Variants in SMCO1 observed in about 807,000 individuals in gnomAD.
SMCO1 encodes the protein single-pass membrane protein with coiled-coil domains 1, also known as single-pass membrane and coiled-coil domain-containing protein 1.
Under a neutral mutation model 7.5 loss-of-function variants are expected in SMCO1, and 9 were observed. That is an observed-to-expected ratio of 1.20 (90% CI 0.72 to 2.09). The LOEUF (loss-of-function observed/expected upper bound fraction) is 2.09, where lower values mean the gene tolerates loss of function less well. SMCO1 is among the 30% of genes most tolerant of loss of function. The probability of loss-of-function intolerance (pLI) is 0.00; values close to 1 mark genes in which losing one functional copy is unlikely to be tolerated. For synonymous variants in SMCO1, 90 were observed against 93.8 expected, an observed-to-expected ratio of 0.96 and a Z score of 0.23; for missense variants, 219 against 253.1, an observed-to-expected ratio of 0.87 and a Z score of 0.91.
chr3:196,519,044 C>T (rs1365507698), upstream of SMCO1, among the ~76,000 whole-genome samples: 2 of 152,224 alleles, frequency 1.3e-5, no homozygotes, highest in Non-Finnish European at 2.9e-5. Flanking sequence ...ACTCAGCCTC[C>T]AATAGCCTGC....
rs961137462 is a variant in SMCO1, at chr3:196,512,549, G to A, written c.50+2611C>T. 7.0e-5 allele frequency among the ~76,000 whole-genome samples: 8 copies of A among 113,786 alleles called. No individual in the cohort carries two copies. The East Asian group carries it at 2.1e-3, about 29-fold the overall frequency. 74.6% of individuals were successfully genotyped at this position (113,786 alleles called of 152,430 possible). A position where few individuals can be genotyped will look rare whatever the true frequency, so the allele number is the denominator to read the frequency against. On this transcript the variant is annotated intron_variant, in intron 1 of 2. Coordinates refer to ENST00000397537, the MANE Select transcript of SMCO1 (RefSeq NM_001077657.3). ...TTTTTTTGAGATGGAGTCTTGCTCTGTCGCCAGGCTGGAGTACAGTGGCAC... is the reference window on the plus strand; with the variant it reads ...TTTTTTTGAGATGGAGTCTTGCTCTATCGCCAGGCTGGAGTACAGTGGCAC...
intron 2 of SMCO1, among the ~76,000 whole-genome samples, chr3:196,508,571 T>C (rs1248245068): frequency 1.3e-5 from 2 of 151,402 alleles, no homozygotes; most frequent in African/African-American, 2.4e-5. Context: ...CAAGTGATCC[T>C]GTCGCCTCGG....
At chr3:196,515,495 A>G, upstream of SMCO1, 1 of 399,410 alleles carries the variant, frequency 2.5e-6, no homozygotes, top group Non-Finnish European at 4.6e-6. Context: ...TACAGCAACA[A>G]CCATGTATAA....
At chr3:196,515,521 A>G (rs1473125473), upstream of SMCO1, among the ~76,000 whole-genome samples, 2 of 152,234 alleles carry the variant, frequency 1.3e-5, no homozygotes, top group African/African-American at 2.4e-5. Flanking sequence ...GACTGTGTAC[A>G]TTATGGTAAA....
rs1002245409 is a variant in SMCO1, at chr3:196,507,612, ATT to A, written c.*273_*274del. On this transcript the variant is annotated 3_prime_UTR_variant, in exon 3 of 3. Transcript: ENST00000397537. ...GTTATATATATATTTATATATATAT[ATT>A]TGTCACCTTTTTTCCACTTAGCAAT... 16 of 163,928 alleles carry A rather than the reference ATT, an allele frequency of 9.8e-5. No individual in the cohort carries two copies. The highest frequency in any genetic ancestry group is 1.6e-4 in the Non-Finnish European group (12 of 76,230). The allele number at this position is 163,928 out of a possible 1,614,324, so 10.2% of individuals were successfully genotyped here. A position where few individuals can be genotyped will look rare whatever the true frequency, so the allele number is the denominator to read the frequency against.
rs959504296 is a variant in SMCO1, at chr3:196,509,622, T to C, written c.98A>G (p.Asp33Gly). The change falls in exon 2 of 3, where the codon GAC (aspartate) becomes GGC (glycine). Residue 33 changes from aspartate (D) to glycine (G), a missense_variant. Asp to Gly is a moderately conservative substitution (Grantham distance 94, BLOSUM62 -1). Coordinates refer to ENST00000397537, the MANE Select transcript of SMCO1 (RefSeq NM_001077657.3). ...CTGCATCAGGTTATCCTTGGTGAAG[T>C]CTAGTTCTTTGAACTGTGTTTCTAA... is the stretch of plus-strand genomic sequence containing the variant. ...QALETQFKEL[D>G]FTKDNLMQKF... The C allele has an allele frequency of 4.3e-6, 7 of 1,613,976 alleles. No homozygotes were observed. In the Admixed American group the frequency reaches 5.0e-5, roughly 12 times the overall value.
chr3:196,513,404 G>A (rs905899978), intron 1 of SMCO1, among the ~76,000 whole-genome samples: 25 of 152,188 alleles, frequency 1.6e-4, no homozygotes, highest in African/African-American at 5.8e-4. Context: ...GCCAAGGCAG[G>A]TGGATCATGA....
At chr3:196,518,818 G>A (rs919267656), upstream of SMCO1, among the ~76,000 whole-genome samples, 2 of 152,176 alleles carry the variant, frequency 1.3e-5, no homozygotes, top group African/African-American at 4.8e-5. Context: ...GGTTAGTGTG[G>A]CTGCCATTCT....
intron 1 of SMCO1, among the ~76,000 whole-genome samples, chr3:196,513,211 T>A (rs1733295314): frequency 1.3e-5 from 2 of 152,030 alleles, no homozygotes; most frequent in Admixed American, 1.3e-4. Context: ...ACACTTGTGG[T>A]CCCAGCTACT....
chr3:196,512,509 CTTTTTTTTT>C (rs36023059), intron 1 of SMCO1, among the ~76,000 whole-genome samples: 5 of 114,044 alleles, frequency 4.4e-5, no homozygotes, highest in African/African-American at 1.9e-4. Flanking sequence ...TATTTCCTTT[CTTTTTTTTT>C]TTTTTTTTTT....
chr3:196,515,472 T>C (rs1733361997), upstream of SMCO1: 1 of 468,916 alleles, frequency 2.1e-6, no homozygotes, highest in South Asian at 2.4e-5. Flanking sequence ...AACTGAACCA[T>C]AGTACATTAA....
At chr3:196,512,408 C>T (rs1260060889) in intron 1 of SMCO1, among the ~76,000 whole-genome samples, 1 of 151,794 alleles carries the variant, frequency 6.6e-6, no homozygotes, top group East Asian at 1.9e-4. Flanking sequence ...GCCCAGCATT[C>T]TATGCTTGAT....
At chr3:196,516,966 G>A (rs1454555918), upstream of SMCO1, among the ~76,000 whole-genome samples, 7 of 151,814 alleles carry the variant, frequency 4.6e-5, no homozygotes, top group Admixed American at 3.9e-4. Context: ...GGGCATGGTG[G>A]CACACACCTG....
intron 1 of SMCO1, among the ~76,000 whole-genome samples, chr3:196,510,710 C>T (rs954118310): frequency 2.0e-5 from 3 of 152,196 alleles, no homozygotes; most frequent in Non-Finnish European, 1.5e-5. Flanking sequence ...GTCTCGCTTA[C>T]AAGCACTGCC....
Position 196,507,824 on chromosome 3 carries a change from T to A in SMCO1, c.*63A>T, listed in dbSNP as rs1733088041. Reference sequence around the variant, plus strand: ...AAATAAGACTATAATAAATTGTGCATACTTTTTGCTGTTTCCAAGATAAAT... The same window carrying A: ...AAATAAGACTATAATAAATTGTGCAAACTTTTTGCTGTTTCCAAGATAAAT... On this transcript the variant is annotated 3_prime_UTR_variant, in exon 3 of 3. Transcript: ENST00000397537. 2 of 965,108 alleles carry A rather than the reference T, an allele frequency of 2.1e-6. No homozygotes were observed. Among genetic ancestry groups the A allele is most frequent in the Non-Finnish European group, 3.1e-6 (2 of 643,630 alleles). 59.8% of individuals were successfully genotyped at this position (965,108 alleles called of 1,614,324 possible).
At chr3:196,512,874 T>C (rs1337278824) in intron 1 of SMCO1, among the ~76,000 whole-genome samples, 1 of 152,198 alleles carries the variant, frequency 6.6e-6, no homozygotes, top group Non-Finnish European at 1.5e-5. Flanking sequence ...TCAACTCTCC[T>C]AAGCTTAACC....
chr3:196,509,126 T>G (rs1162201385), intron 2 of SMCO1, among the ~76,000 whole-genome samples: 55 of 146,432 alleles, frequency 3.8e-4, no homozygotes, highest in Non-Finnish European at 6.0e-4. Context: ...CTCGGCTCAC[T>G]GCAAGCTCCG....
upstream of SMCO1, among the ~76,000 whole-genome samples, chr3:196,520,263 T>C (rs1221312737): frequency 6.6e-6 from 1 of 152,204 alleles, no homozygotes; most frequent in African/African-American, 2.4e-5. Flanking sequence ...TGAGGTCCCC[T>C]ATGTACAGGC....
At chr3:196,515,988 G>GTAT (rs1553865640), upstream of SMCO1, among the ~76,000 whole-genome samples, 6 of 23,888 alleles carry the variant, frequency 2.5e-4, no homozygotes, top group South Asian at 1.5e-3. Context: ...AAGAGGATAG[G>GTAT]ATATATATAT....
Sources: gnomAD v4.1 joint callset for allele counts (sites outside exome capture counted in the v4.1 genomes callset) on GRCh38, gnomAD v4.1.1 for gene constraint, MANE v1.5 for transcripts, NCBI Gene and HGNC (gene_info 2026-07-23, HGNC 2026-07-21) for gene names.